Variants in MACROD2 observed in about 807,000 individuals in gnomAD.
The protein encoded by MACROD2 is mono-ADP ribosylhydrolase 2.
In MACROD2, 36 loss-of-function variants were observed where a neutral mutation model predicts 70.4. The observed-to-expected ratio is 0.51, with a 90% CI of 0.39 to 0.68. MACROD2 has a LOEUF of 0.68. Ranked by LOEUF, MACROD2 falls within the 30% of genes least tolerant of loss-of-function variation. MACROD2 has a pLI of 0.00. For synonymous variants in MACROD2, 172 were observed against 178.8 expected, an observed-to-expected ratio of 0.96 and a Z score of 0.30; for missense variants, 496 against 538.4, an observed-to-expected ratio of 0.92 and a Z score of 0.78.
At chr20:14,675,465 G>A (rs6135222) in intron 4 of MACROD2, among the ~76,000 whole-genome samples, 11,735 of 152,132 alleles carry the variant, frequency 0.077, 712 homozygotes, top group South Asian at 0.26. Context: ...AGCTTCATAA[G>A]TGAAGGAGAA....
intron 6 of MACROD2, among the ~76,000 whole-genome samples, chr20:15,322,854 A>G (rs2077887350): frequency 1.4e-5 from 2 of 143,674 alleles, no homozygotes; most frequent in Admixed American, 7.0e-5. Flanking sequence ...TGACCTTGGA[A>G]TCCATGAATC....
rs148060482 is a variant in MACROD2, at chr20:15,634,008, A to G, written c.645+134161A>G. On this transcript the variant is annotated intron_variant, in intron 8 of 17. Transcript: ENST00000684519. Reference sequence around the variant, plus strand: ...TAGTTTGTCTGTATACCATGAACACATATCCTTCATCTTTCCCCACCTTAG... The same window carrying G: ...TAGTTTGTCTGTATACCATGAACACGTATCCTTCATCTTTCCCCACCTTAG... 4.1e-3 allele frequency among the ~76,000 whole-genome samples: 617 copies of G among 152,336 alleles called. 3 individuals carry two copies. Among genetic ancestry groups the G allele is most frequent in the African/African-American group, 0.014 (585 of 41,574 alleles).
At chr20:15,488,721 T>A (rs990089294) in intron 7 of MACROD2, among the ~76,000 whole-genome samples, 1 of 152,186 alleles carries the variant, frequency 6.6e-6, no homozygotes, top group Non-Finnish European at 1.5e-5. Context: ...TAGATCCCAA[T>A]ATACGCCTTT....
intron 6 of MACROD2, among the ~76,000 whole-genome samples, chr20:15,230,563 C>G (rs1039140451): frequency 2.7e-4 from 41 of 152,078 alleles, no homozygotes; most frequent in Non-Finnish European, 1.6e-4. Context: ...GTATTTTAAC[C>G]TGAATGTTGT....
intron 5 of MACROD2, among the ~76,000 whole-genome samples, chr20:15,000,593 G>A (rs1015544412): frequency 1.9e-5 from 2 of 105,512 alleles, no homozygotes; most frequent in Non-Finnish European, 3.4e-5. Flanking sequence ...ACTGCAGTCC[G>A]CAGTCCGGCC....
chr20:14,072,959 C>A (rs1283756575), intron 2 of MACROD2, among the ~76,000 whole-genome samples: 17 of 150,636 alleles, frequency 1.1e-4, no homozygotes, highest in African/African-American at 3.2e-4. Context: ...GCATATAGAT[C>A]ATGGTAAATG....
At chr20:15,585,619 T>TC (rs1411862520) in intron 8 of MACROD2, among the ~76,000 whole-genome samples, 1 of 152,128 alleles carries the variant, frequency 6.6e-6, no homozygotes, top group Admixed American at 6.5e-5. Context: ...CCAAGCTCTC[T>TC]CCCCCAGGGA....
At chr20:14,048,786 CA>C (rs1174339986) in intron 2 of MACROD2, among the ~76,000 whole-genome samples, 5 of 152,090 alleles carry the variant, frequency 3.3e-5, no homozygotes, top group African/African-American at 1.2e-4. Context: ...CAGTCAGTGA[CA>C]TTTAAGGTTA....
chr20:14,092,319 C>T (rs2054161199), intron 3 of MACROD2, among the ~76,000 whole-genome samples: 1 of 152,084 alleles, frequency 6.6e-6, no homozygotes, highest in Admixed American at 6.5e-5. Context: ...GGTGAAATAT[C>T]AGTTCATATC....
intron 5 of MACROD2, among the ~76,000 whole-genome samples, chr20:15,061,805 A>G (rs1033387436): frequency 1.3e-4 from 20 of 152,168 alleles, no homozygotes; most frequent in Admixed American, 7.9e-4. Flanking sequence ...GAAGCCTCCA[A>G]ATGAATTTTG....
At chr20:15,985,534 G>T (rs1317017476) in intron 13 of MACROD2, among the ~76,000 whole-genome samples, 2 of 152,210 alleles carry the variant, frequency 1.3e-5, no homozygotes, top group Admixed American at 1.3e-4. Flanking sequence ...CCAAGTGCCA[G>T]TTCCTTCCCA....
At chr20:15,869,222 T>TAC (rs1378467400) in intron 9 of MACROD2, among the ~76,000 whole-genome samples, 2 of 49,350 alleles carry the variant, frequency 4.1e-5, no homozygotes, top group Admixed American at 2.4e-4. Flanking sequence ...TATATATATA[T>TAC]ATATATATAT....
At chr20:14,860,518 C>G (rs1030764487) in intron 5 of MACROD2, among the ~76,000 whole-genome samples, 1 of 152,098 alleles carries the variant, frequency 6.6e-6, no homozygotes, top group Non-Finnish European at 1.5e-5. Context: ...ACCTCCCTCC[C>G]GGCTGGAACC....
At chr20:14,234,162 G>A (rs1167520733) in intron 3 of MACROD2, among the ~76,000 whole-genome samples, 2 of 152,036 alleles carry the variant, frequency 1.3e-5, no homozygotes, top group Non-Finnish European at 2.9e-5. Flanking sequence ...GGTATATGGG[G>A]ACTCTGTACT....
intron 6 of MACROD2, among the ~76,000 whole-genome samples, chr20:15,343,219 G>A (rs112200287): frequency 7.2e-5 from 11 of 152,122 alleles, no homozygotes; most frequent in Admixed American, 4.6e-4. Flanking sequence ...TGGCTTGTAC[G>A]TGCTCTTGTT....
At chr20:14,870,881 C>T (rs946425581) in intron 5 of MACROD2, among the ~76,000 whole-genome samples, 7 of 152,072 alleles carry the variant, frequency 4.6e-5, no homozygotes, top group African/African-American at 1.4e-4. Flanking sequence ...CAAAAATGTC[C>T]TCCCATACTG....
At chr20:15,133,724 C>T (rs1025100604) in intron 5 of MACROD2, among the ~76,000 whole-genome samples, 37 of 152,130 alleles carry the variant, frequency 2.4e-4, no homozygotes, top group Admixed American at 1.4e-3. Flanking sequence ...TTCATTCCAG[C>T]TTTATTTATA....
intron 5 of MACROD2, among the ~76,000 whole-genome samples, chr20:14,768,072 T>G (rs1037058965): frequency 6.6e-6 from 1 of 152,168 alleles, no homozygotes; most frequent in Non-Finnish European, 1.5e-5. Flanking sequence ...AAGTCTTTGC[T>G]ATTGTGAATA....
chr20:14,373,571 G>T (rs1347333950), intron 3 of MACROD2, among the ~76,000 whole-genome samples: 2 of 152,028 alleles, frequency 1.3e-5, no homozygotes, highest in African/African-American at 4.8e-5. Flanking sequence ...CAAATAATTT[G>T]CTTCCATTGA....
Sources: gnomAD v4.1 joint callset for allele counts (sites outside exome capture counted in the v4.1 genomes callset) on GRCh38, gnomAD v4.1.1 for gene constraint, MANE v1.5 for transcripts, NCBI Gene and HGNC (gene_info 2026-07-23, HGNC 2026-07-21) for gene names.